PCDHA2: variants seen among roughly 807,000 people sequenced by gnomAD.
The protein encoded by PCDHA2 is protocadherin alpha 2.
A neutral mutation model predicts 66.0 loss-of-function variants in PCDHA2; 58 were observed. That is an observed-to-expected ratio of 0.88 (90% CI 0.71 to 1.09). The LOEUF (loss-of-function observed/expected upper bound fraction) is 1.09. PCDHA2 is among the 50% of genes least tolerant of loss of function. The probability of loss-of-function intolerance (pLI) is 0.00; values close to 1 mark genes in which losing one functional copy is unlikely to be tolerated. For missense variants in PCDHA2, 1,267 were observed against 1,242.3 expected, an observed-to-expected ratio of 1.02 and a Z score of -0.30; for synonymous variants, 634 against 554.0, an observed-to-expected ratio of 1.14 and a Z score of -2.03.
chr5:140,912,532 G>T (rs1554195398), intron 1 of PCDHA2, among the ~76,000 whole-genome samples: 1 of 152,092 alleles, frequency 6.6e-6, no homozygotes, highest in African/African-American at 2.4e-5. Flanking sequence ...CAGAGTACAT[G>T]ATCATATTGT....
At chr5:140,920,930 T>C (rs1286502333) in intron 1 of PCDHA2, among the ~76,000 whole-genome samples, 1 of 151,962 alleles carries the variant, frequency 6.6e-6, no homozygotes, top group Non-Finnish European at 1.5e-5. Flanking sequence ...GTAGGTGATC[T>C]AGCCCTTTCA....
intron 1 of PCDHA2, among the ~76,000 whole-genome samples, chr5:140,897,050 G>A (rs1269082503): frequency 6.6e-6 from 1 of 152,014 alleles, no homozygotes; most frequent in Non-Finnish European, 1.5e-5. Flanking sequence ...CTATTCTGCT[G>A]TCAAATACTA....
intron 1 of PCDHA2, chr5:140,861,554 C>A (rs1023234694): frequency 1.8e-5 from 7 of 398,878 alleles, no homozygotes; most frequent in Non-Finnish European, 2.6e-5. Flanking sequence ...TGGAAGTGAT[C>A]GTGGACAAGC....
intron 1 of PCDHA2, chr5:140,850,253 C>A: frequency 6.3e-7 from 1 of 1,593,758 alleles, no homozygotes; most frequent in South Asian, 1.1e-5. Flanking sequence ...GGTCGGTGGG[C>A]GCCGGCGTAG....
Position 140,849,058 on chromosome 5 carries a change from A to T in PCDHA2, c.2388+51706A>T, listed in dbSNP as rs1222593356. 1.9e-6 allele frequency: 3 copies of T among 1,550,796 alleles called. No homozygotes were observed. In the African/African-American group the frequency reaches 4.5e-5, roughly 23 times the overall value. ...CTGGACGTGCCAACCAGCAACCAGC[A>T]GGTAAAACCTCTTGGACTTGTATTA... On this transcript the variant is annotated intron_variant, in intron 1 of 3. Coordinates refer to ENST00000526136, the MANE Select transcript of PCDHA2 (RefSeq NM_018905.3).
intron 3 of PCDHA2, among the ~76,000 whole-genome samples, chr5:140,991,068 T>A (rs1563570560): frequency 6.6e-6 from 1 of 152,216 alleles, no homozygotes; most frequent in Admixed American, 6.5e-5. Flanking sequence ...ATTATTCCCA[T>A]GTTTCAGATA....
intron 1 of PCDHA2, chr5:140,803,880 T>C (rs1458588945): frequency 5.5e-6 from 3 of 549,310 alleles, no homozygotes; most frequent in Non-Finnish European, 9.5e-6. Context: ...TATTTTTTCT[T>C]AGATGAATTG....
intron 1 of PCDHA2, among the ~76,000 whole-genome samples, chr5:140,978,370 A>T (rs78042832): frequency 6.6e-6 from 1 of 152,200 alleles, no homozygotes; most frequent in Non-Finnish European, 1.5e-5. Context: ...AAACTCTGCA[A>T]TAGTTTGTTT....
intron 1 of PCDHA2, chr5:140,857,549 C>G (rs1554150197): frequency 6.3e-7 from 1 of 1,596,826 alleles, no homozygotes; most frequent in Admixed American, 1.7e-5. Flanking sequence ...GTTGGGCGAG[C>G]GCTCGCTGTC....
chr5:140,807,156 A>G, intron 1 of PCDHA2: 2 of 1,589,232 alleles, frequency 1.3e-6, no homozygotes, highest in Non-Finnish European at 1.7e-6. Flanking sequence ...GAGAAACGAT[A>G]TTTAATCAGA....
At chr5:140,929,373 C>T (rs1563116244) in intron 1 of PCDHA2, 1 of 1,514,818 alleles carries the variant, frequency 6.6e-7, no homozygotes, top group Non-Finnish European at 8.8e-7. Context: ...GAGATGGCTG[C>T]TAGCTGTGTT....
At chr5:140,844,657 C>A (rs1252310311) in intron 1 of PCDHA2, among the ~76,000 whole-genome samples, 1 of 149,150 alleles carries the variant, frequency 6.7e-6, no homozygotes, top group Non-Finnish European at 1.5e-5. Context: ...TCTTGCAAAC[C>A]AAACATATAA....
rs183786609 is a variant in PCDHA2, at chr5:140,896,576, C to T, written c.2389-82373C>T. ...ATTTTAAGTAGAGATGGGGTTTTGA[C>T]GTGTTGGCCAGGCTGGTCTCGAACT... On this transcript the variant is annotated intron_variant, in intron 1 of 3. Transcript: ENST00000526136. Among the ~76,000 whole-genome samples the T allele has an allele frequency of 3.4e-4, 51 of 151,254 alleles. No individual in the cohort carries two copies. The East Asian group carries it at 4.9e-3, about 14-fold the overall frequency.
chr5:140,844,580 A>G (rs1473112365), intron 1 of PCDHA2, among the ~76,000 whole-genome samples: 3 of 149,602 alleles, frequency 2.0e-5, no homozygotes, highest in African/African-American at 7.3e-5. Flanking sequence ...ATTCCACATT[A>G]AAGTGATATT....
At chr5:140,927,376 A>G (rs1554204440) in intron 1 of PCDHA2, 13 of 1,614,094 alleles carry the variant, frequency 8.1e-6, no homozygotes, top group East Asian at 2.2e-5. Context: ...ACTAAGCTAC[A>G]GCCTAAGCCC....
intron 1 of PCDHA2, among the ~76,000 whole-genome samples, chr5:140,977,388 T>C (rs1187960215): frequency 6.6e-6 from 1 of 152,248 alleles, no homozygotes; most frequent in East Asian, 1.9e-4. Flanking sequence ...TCCAGGTTTA[T>C]AAAATGATTT....
intron 1 of PCDHA2, among the ~76,000 whole-genome samples, chr5:140,881,731 T>C (rs1457530470): frequency 6.6e-6 from 1 of 152,224 alleles, no homozygotes; most frequent in Non-Finnish European, 1.5e-5. Flanking sequence ...TGAAAAATAT[T>C]ACAGGAAGAG....
At chr5:140,947,796 T>C (rs2094177808) in intron 1 of PCDHA2, among the ~76,000 whole-genome samples, 2 of 151,630 alleles carry the variant, frequency 1.3e-5, no homozygotes, top group Non-Finnish European at 3.0e-5. Context: ...AACAGACTTT[T>C]AATTTGCAGA....
chr5:140,867,911 T>C (rs2050196676), intron 1 of PCDHA2: 1 of 152,134 alleles, frequency 6.6e-6, no homozygotes. Context: ...GAAGGTATAA[T>C]TAAAAATCAC....
Sources: gnomAD v4.1 joint callset for allele counts (sites outside exome capture counted in the v4.1 genomes callset) on GRCh38, gnomAD v4.1.1 for gene constraint, MANE v1.5 for transcripts, NCBI Gene and HGNC (gene_info 2026-07-23, HGNC 2026-07-21) for gene names.